The following PDE4D variants were observed in gnomAD, a reference collection of about 807,000 sequenced individuals.
PDE4D encodes the protein phosphodiesterase 4D, also known as 3',5'-cyclic-AMP phosphodiesterase 4D.
A neutral mutation model predicts 87.4 loss-of-function variants in PDE4D; 24 were observed. The ratio of observed to expected loss-of-function variants is 0.27; its 90% CI spans 0.20 to 0.39. PDE4D has a LOEUF of 0.39. PDE4D is among the 10% of genes least tolerant of loss of function. The pLI is 1.00. For synonymous variants in PDE4D, 384 were observed against 383.2 expected (o/e 1.00, Z -0.02); for missense variants, 714 against 1,041.0 (o/e 0.69, Z 4.32).
At chr5:59,666,957 T>C (rs900440273) in intron 1 of PDE4D, among the ~76,000 whole-genome samples, 1 of 152,194 alleles carries the variant, frequency 6.6e-6, no homozygotes, top group African/African-American at 2.4e-5. Context: ...CTAGGCTTCA[T>C]TGCATGTTGT....
At chr5:59,035,442 C>T (rs1758332524) in intron 6 of PDE4D, among the ~76,000 whole-genome samples, 1 of 152,090 alleles carries the variant, frequency 6.6e-6, no homozygotes, top group African/African-American at 2.4e-5. Context: ...TATAAAAATC[C>T]ATCAAACTTG....
At chr5:59,231,019 AT>A (rs753406716) in intron 1 of PDE4D, among the ~76,000 whole-genome samples, 5 of 152,320 alleles carry the variant, frequency 3.3e-5, no homozygotes, top group Middle Eastern at 3.4e-3. Context: ...TATGTGTCTC[AT>A]TGTATAATAA....
rs533243335 is a variant in PDE4D at position 59,429,762 on chromosome 5, A to T, written c.456-213794T>A. Among the ~76,000 whole-genome samples, 7 of 152,286 alleles carry T rather than the reference A, an allele frequency of 4.6e-5. No homozygotes were observed. In the East Asian group the frequency reaches 1.3e-3, roughly 29 times the overall value. On this transcript the variant is annotated intron_variant, in intron 1 of 14. Transcript: ENST00000340635. ...ATCGCTATTCTGATACTACATAAAA[A>T]GGGTGGGTCGGGGGTAGAACACAGA...
intron 1 of PDE4D, among the ~76,000 whole-genome samples, chr5:59,657,113 G>A (rs1475889179): frequency 6.6e-6 from 1 of 152,094 alleles, no homozygotes; most frequent in Non-Finnish European, 1.5e-5. Context: ...ACTTGGAAAT[G>A]TAATTGCAAC....
intron 2 of PDE4D, among the ~76,000 whole-genome samples, chr5:60,102,761 T>G (rs1038314212): frequency 2.6e-5 from 4 of 151,752 alleles, no homozygotes; most frequent in East Asian, 1.9e-4. Flanking sequence ...AACCATGGGG[T>G]CATATTCAAC....
intron 1 of PDE4D, among the ~76,000 whole-genome samples, chr5:59,332,768 G>A (rs749341964): frequency 4.6e-5 from 7 of 152,158 alleles, no homozygotes; most frequent in Non-Finnish European, 7.4e-5. Context: ...AAGCTCTGGG[G>A]AAGGGCTTTG....
chr5:59,335,930 A>G (rs1236546046), intron 1 of PDE4D, among the ~76,000 whole-genome samples: 1 of 152,236 alleles, frequency 6.6e-6, no homozygotes, highest in Non-Finnish European at 1.5e-5. Flanking sequence ...AAAATGATCT[A>G]GACTAGAGGT....
intron 1 of PDE4D, among the ~76,000 whole-genome samples, chr5:59,613,670 G>T (rs1302802563): frequency 6.6e-6 from 1 of 152,116 alleles, no homozygotes; most frequent in Non-Finnish European, 1.5e-5. Flanking sequence ...TTCTCTAAAT[G>T]GTAGGTATTC....
intron 1 of PDE4D, among the ~76,000 whole-genome samples, chr5:60,235,411 G>A (rs1330808350): frequency 1.3e-5 from 2 of 151,798 alleles, no homozygotes; most frequent in African/African-American, 2.4e-5. Flanking sequence ...ACCTCCCGAA[G>A]TAGTTTGAAA....
intron 1 of PDE4D, among the ~76,000 whole-genome samples, chr5:59,335,851 T>G (rs1299191421): frequency 6.6e-6 from 1 of 152,202 alleles, no homozygotes; most frequent in Non-Finnish European, 1.5e-5. Flanking sequence ...AGAAATAAGT[T>G]CCTAAGGCAC....
intron 1 of PDE4D, among the ~76,000 whole-genome samples, chr5:59,322,393 T>C (rs1184965148): frequency 6.6e-6 from 1 of 152,094 alleles, no homozygotes; most frequent in Non-Finnish European, 1.5e-5. Context: ...GTTCTGATTC[T>C]GACCAAGCAA....
intron 1 of PDE4D, chr5:59,586,472 T>C (rs1035214566): frequency 1.4e-6 from 2 of 1,446,112 alleles, no homozygotes; most frequent in African/African-American, 1.5e-5. Flanking sequence ...TGAGCAGCTA[T>C]CGTGGGCAAT....
chr5:59,454,991 G>A (rs1406518369), intron 1 of PDE4D, among the ~76,000 whole-genome samples: 1 of 152,210 alleles, frequency 6.6e-6, no homozygotes, highest in Non-Finnish European at 1.5e-5. Flanking sequence ...TTCAAGAGGT[G>A]ACTTGGGTGC....
At chr5:59,688,897 G>T (rs1459275738) in intron 1 of PDE4D, among the ~76,000 whole-genome samples, 1 of 152,142 alleles carries the variant, frequency 6.6e-6, no homozygotes, top group African/African-American at 2.4e-5. Flanking sequence ...TATCACCACT[G>T]ATCCCACAGA....
At chr5:59,831,967 T>C (rs1741319846) in intron 1 of PDE4D, among the ~76,000 whole-genome samples, 1 of 152,008 alleles carries the variant, frequency 6.6e-6, no homozygotes, top group Non-Finnish European at 1.5e-5. Flanking sequence ...AACAGAAACA[T>C]GGGCATAGCA....
At chr5:59,231,965 A>G (rs1755303456) in intron 1 of PDE4D, among the ~76,000 whole-genome samples, 1 of 152,238 alleles carries the variant, frequency 6.6e-6, no homozygotes, top group African/African-American at 2.4e-5. Context: ...AACAATCAGC[A>G]AAGTTACAGA....
intron 6 of PDE4D, among the ~76,000 whole-genome samples, chr5:59,029,339 C>G (rs900274269): frequency 8.2e-5 from 12 of 146,772 alleles, no homozygotes; most frequent in African/African-American, 2.8e-4. Context: ...ACGGCGTGAA[C>G]CTGGGAGGTG....
intron 2 of PDE4D, among the ~76,000 whole-genome samples, chr5:60,112,669 A>G (rs984737223): frequency 6.6e-6 from 1 of 152,126 alleles, no homozygotes; most frequent in Non-Finnish European, 1.5e-5. Flanking sequence ...GTCTTGTCAT[A>G]AAACCATCTG....
intron 2 of PDE4D, among the ~76,000 whole-genome samples, chr5:60,158,501 T>C (rs1782185396): frequency 6.6e-6 from 1 of 152,200 alleles, no homozygotes; most frequent in Admixed American, 6.5e-5. Context: ...GCCTGGGACA[T>C]TGCTGTCTAC....
Sources: allele counts gnomAD v4.1 joint callset (sites outside exome capture counted in the v4.1 genomes callset), GRCh38; gene constraint gnomAD v4.1.1; transcripts MANE v1.5; gene names NCBI Gene and HGNC (gene_info 2026-07-23, HGNC 2026-07-21).